COL4A5: variants seen among roughly 807,000 people sequenced by gnomAD.
COL4A5 encodes collagen type IV alpha 5 chain.
COL4A5 carries 26 observed loss-of-function variants against 130.2 expected under a neutral mutation model. That is an observed-to-expected ratio of 0.20 (90% CI 0.15 to 0.28). The LOEUF is 0.28. COL4A5 is among the 10% of genes least tolerant of loss of function. The pLI is 1.00. For synonymous variants in COL4A5, 496 were observed against 439.6 expected (o/e 1.13, Z -1.60); for missense variants, 1,131 against 1,344.3 (o/e 0.84, Z 2.48).
At chrX:108,474,613 A>G (rs2064813919) in intron 1 of COL4A5, among the ~76,000 whole-genome samples, 1 of 111,996 alleles carries the variant, frequency 8.9e-6, no homozygotes, top group Non-Finnish European at 1.9e-5. Flanking sequence ...GTTTGATGCA[A>G]TACCATTTGT....
chrX:108,590,361 A>G (rs2066411864), intron 19 of COL4A5, among the ~76,000 whole-genome samples: 1 of 111,488 alleles, frequency 9.0e-6, no homozygotes, highest in Non-Finnish European at 1.9e-5. Context: ...TAACCCCAAC[A>G]ATACATGTGT....
At position 108,695,273 on chromosome X, in the gene COL4A5, A is replaced by C; in HGVS notation, c.4828A>C (p.Ser1610Arg). 8.3e-7 allele frequency: 1 copy of C among 1,211,150 alleles called. No individual in the cohort carries two copies. The highest frequency in any genetic ancestry group is 1.1e-6 in the Non-Finnish European group (1 of 895,368). ...WIGYSFMMHT[S>R]AGAEGSGQAL... ...TTTTCCTTGTCTTTTATAGCATACA[A>C]GTGCAGGGGCAGAAGGCTCAGGTCA... The change falls in exon 52 of 53, where the codon AGT becomes CGT. Residue 1610 changes from serine (S) to arginine (R), a missense_variant. By Grantham distance (110) the Ser-to-Arg change is moderately radical. Coordinates refer to ENST00000328300, the MANE Select transcript of COL4A5 (RefSeq NM_033380.3).
At chrX:108,480,211 A>G (rs7885614) in intron 1 of COL4A5, among the ~76,000 whole-genome samples, 10,442 of 111,965 alleles carry the variant, frequency 0.093, 1,090 homozygotes, top group African/African-American at 0.31. Flanking sequence ...TAGGCCCACT[A>G]GGCGTTGTGC....
At chrX:108,678,264 A>T (rs746954297) in intron 44 of COL4A5, among the ~76,000 whole-genome samples, 1 of 111,801 alleles carries the variant, frequency 8.9e-6, no homozygotes, top group South Asian at 3.8e-4. Flanking sequence ...CTGTCTTTTA[A>T]TTCTGAAGAC....
intron 46 of COL4A5, 86 bp from the exon 47 acceptor site, chrX:108,681,674 A>G: frequency 1.7e-6 from 2 of 1,161,187 alleles, no homozygotes; most frequent in Admixed American, 2.2e-5. Flanking sequence ...TCTCACACCA[A>G]TTTTTGTCCT....
intron 30 of COL4A5, among the ~76,000 whole-genome samples, chrX:108,618,941 T>C (rs188792989): frequency 4.5e-5 from 5 of 111,058 alleles, no homozygotes. Context: ...ACTGCTCTCT[T>C]GGAGCACGTT....
intron 46 of COL4A5, 29 bp from the exon 47 acceptor site, chrX:108,681,731 C>T (rs769707658): frequency 9.9e-6 from 12 of 1,207,895 alleles, no homozygotes; most frequent in Non-Finnish European, 1.2e-5. Flanking sequence ...TTTCTCTTTC[C>T]CTTCAAATTT....
At chrX:108,666,816 AT>A (rs991739819) in intron 39 of COL4A5, among the ~76,000 whole-genome samples, 5 of 111,141 alleles carry the variant, frequency 4.5e-5, no homozygotes, top group African/African-American at 1.6e-4. Context: ...TTCTTGTCTA[AT>A]TTTTTATATC....
At chrX:108,543,103 T>G (rs1257543331) in intron 2 of COL4A5, among the ~76,000 whole-genome samples, 7 of 110,668 alleles carry the variant, frequency 6.3e-5, no homozygotes, top group Non-Finnish European at 1.3e-4. Context: ...CAGAAGCTCT[T>G]TAGTTTAATT....
At chrX:108,655,510 C>G in intron 37 of COL4A5, 53 bp downstream of exon 37, 1 of 1,175,224 alleles carries the variant, frequency 8.5e-7, no homozygotes, top group Non-Finnish European at 1.2e-6. Flanking sequence ...TCTACTCCAA[C>G]CAGTATCACA....
At chrX:108,677,419 T>C in intron 43 of COL4A5, 81 bp from the exon 44 acceptor site, 1 of 974,488 alleles carries the variant, frequency 1.0e-6, no homozygotes, top group South Asian at 2.2e-5. Flanking sequence ...AATAGGAAGA[T>C]GACTGATATT....
At chrX:108,690,108 C>A in intron 49 of COL4A5, 1 of 549,761 alleles carries the variant, frequency 1.8e-6, no homozygotes, top group Non-Finnish European at 2.2e-6. Context: ...ACTTTCATGT[C>A]CATTGTCTAA....
In COL4A5 at chrX:108,456,361, G is replaced by A. The variant is rs191699659; in HGVS notation, c.81+16155G>A. Among the ~76,000 whole-genome samples, 16 of 112,022 alleles carry A rather than the reference G, an allele frequency of 1.4e-4. No homozygotes were observed. In the East Asian group the frequency reaches 3.6e-3, roughly 25 times the overall value. On this transcript the variant is annotated intron_variant, in intron 1 of 52. Coordinates refer to ENST00000328300, the MANE Select transcript of COL4A5 (RefSeq NM_033380.3). ...GTAAAATTCACCCACTTTATGCACA[G>A]TTCTATTATTTTTGACAGATGTATA...
intron 1 of COL4A5, among the ~76,000 whole-genome samples, chrX:108,447,299 G>A (rs1176779258): frequency 9.0e-6 from 1 of 111,087 alleles, no homozygotes; most frequent in Admixed American, 9.6e-5. Flanking sequence ...TAATATCACA[G>A]CCTCAATTCC....
In COL4A5 at chrX:108,580,706, G is replaced by A; in HGVS notation, c.859G>A (p.Glu287Lys). The A allele has an allele frequency of 8.3e-7, 1 of 1,211,059 alleles. No individual in the cohort carries two copies. Among genetic ancestry groups the A allele is most frequent in the Non-Finnish European group, 1.1e-6 (1 of 894,866 alleles). Reference sequence around the variant, plus strand: ...GGGTCCCCCAGGTGGTGAGAAAGGTGAGAAGGGTGAGCAAGGAGAGCCAGG... The same window carrying A: ...GGGTCCCCCAGGTGGTGAGAAAGGTAAGAAGGGTGAGCAAGGAGAGCCAGG... ...PPGPPGGEKG[E>K]KGEQGEPGKR... Residue 287 changes from glutamate (E) to lysine (K), a missense_variant, in exon 15 of 53, where the codon GAG (glutamate) becomes AAG (lysine). Glu to Lys is a moderately conservative substitution (Grantham distance 56). Transcript: ENST00000328300.
At chrX:108,678,353 C>T (rs2054956869) in intron 44 of COL4A5, among the ~76,000 whole-genome samples, 1 of 111,546 alleles carries the variant, frequency 9.0e-6, no homozygotes, top group African/African-American at 3.3e-5. Flanking sequence ...CCCATGCCAT[C>T]ACTATTCTTC....
chrX:108,506,317 T>C (rs773161166), intron 1 of COL4A5, among the ~76,000 whole-genome samples: 1 of 107,732 alleles, frequency 9.3e-6, no homozygotes, highest in Non-Finnish European at 1.9e-5. Flanking sequence ...AATTGTTTTT[T>C]TTCCCACTAG....
intron 1 of COL4A5, among the ~76,000 whole-genome samples, chrX:108,477,203 C>G (rs2064840994): frequency 9.0e-6 from 1 of 111,698 alleles, no homozygotes; most frequent in Non-Finnish European, 1.9e-5. Context: ...ATCCTTCAGT[C>G]GAATCAAGTT....
intron 2 of COL4A5, among the ~76,000 whole-genome samples, chrX:108,543,669 A>C (rs1461545824): frequency 1.8e-5 from 2 of 111,359 alleles, no homozygotes; most frequent in Non-Finnish European, 3.8e-5. Flanking sequence ...CTTGATGGGG[A>C]TGGCATTGAA....
Sources: allele counts gnomAD v4.1 joint callset (sites outside exome capture counted in the v4.1 genomes callset), GRCh38; gene constraint gnomAD v4.1.1; transcripts MANE v1.5; gene names NCBI Gene and HGNC (gene_info 2026-07-23, HGNC 2026-07-21).